Variants in PITPNB observed in about 807,000 individuals in gnomAD.
PITPNB encodes the protein phosphatidylinositol transfer protein beta.
PITPNB carries 16 observed loss-of-function variants against 45.9 expected under a neutral mutation model. That is an observed-to-expected ratio of 0.35 (90% confidence interval 0.24 to 0.53). PITPNB has a LOEUF of 0.53. Ranked by LOEUF, PITPNB falls within the 20% of genes least tolerant of loss-of-function variation. The probability of loss-of-function intolerance (pLI) is 0.93; values close to 1 mark genes in which losing one functional copy is unlikely to be tolerated. For synonymous variants in PITPNB, 112 were observed against 108.9 expected, an observed-to-expected ratio of 1.03 and a Z score of -0.18; for missense variants, 188 against 330.5, an observed-to-expected ratio of 0.57 and a Z score of 3.34.
chr22:27,882,622 T>C (rs539611808), intron 7 of PITPNB, among the ~76,000 whole-genome samples: 4 of 152,328 alleles, frequency 2.6e-5, no homozygotes, highest in African/African-American at 9.6e-5. Flanking sequence ...TTATAGTCCT[T>C]TGACAAGCAA....
intron 8 of PITPNB, among the ~76,000 whole-genome samples, chr22:27,861,887 A>G (rs1317426942): frequency 6.6e-6 from 1 of 152,218 alleles, no homozygotes; most frequent in East Asian, 1.9e-4. Context: ...TCTTTAATAA[A>G]CGTTGTATTG....
chr22:27,894,456 A>G lies in PITPNB; in HGVS notation c.456+99T>C, dbSNP rs568191650. On this transcript the variant is annotated intron_variant, in intron 7 of 11. Coordinates refer to ENST00000335272, the MANE Select transcript of PITPNB (RefSeq NM_012399.5). ...TAGAAATGTAGGCCATACAAGAAAG[A>G]AAGGAAATAATTTTTTTAACTTAAT... The G allele has an allele frequency of 6.9e-5, 49 of 706,190 alleles. No individual in the cohort carries two copies. In the African/African-American group the frequency reaches 8.1e-4, roughly 12 times the overall value. 43.7% of individuals were successfully genotyped at this position (706,190 alleles called of 1,614,324 possible). A position where few individuals can be genotyped will look rare whatever the true frequency, so the allele number is the denominator to read the frequency against.
intron 7 of PITPNB, among the ~76,000 whole-genome samples, chr22:27,874,679 T>G (rs1352205133): frequency 6.6e-6 from 1 of 152,248 alleles, no homozygotes; most frequent in East Asian, 1.9e-4. Context: ...AAATTACTTT[T>G]GAAGAGCTAG....
At chr22:27,874,199 G>A (rs1007270345) in intron 7 of PITPNB, among the ~76,000 whole-genome samples, 1 of 152,154 alleles carries the variant, frequency 6.6e-6, no homozygotes, top group Non-Finnish European at 1.5e-5. Context: ...GACACTACAG[G>A]TAGATGATGA....
At chr22:27,887,756 C>T (rs548349079) in intron 7 of PITPNB, among the ~76,000 whole-genome samples, 1 of 152,258 alleles carries the variant, frequency 6.6e-6, no homozygotes, top group East Asian at 1.9e-4. Flanking sequence ...TAAACCCCTC[C>T]CTGCCATAAG....
chr22:27,899,467 C>G (rs767300332), intron 3 of PITPNB, among the ~76,000 whole-genome samples: 2 of 151,830 alleles, frequency 1.3e-5, no homozygotes, highest in Non-Finnish European at 2.9e-5. Context: ...GGGGTACAGG[C>G]GCCCGCCACT....
intron 10 of PITPNB, among the ~76,000 whole-genome samples, chr22:27,856,162 T>C (rs1328540448): frequency 6.6e-6 from 1 of 152,242 alleles, no homozygotes; most frequent in African/African-American, 2.4e-5. Flanking sequence ...TTTGAGATAT[T>C]TGACAAAGCA....
At position 27,903,778 on chromosome 22, in the gene PITPNB, A is replaced by C. The variant is rs1202860933; in HGVS notation, c.198-5886T>G. Among the ~76,000 whole-genome samples the C allele has an allele frequency of 3.7e-4, 20 of 53,372 alleles. No homozygotes were observed. In the East Asian group the frequency reaches 6.9e-3, roughly 18 times the overall value. The allele number at this position is 53,372 out of a possible 152,430, so 35.0% of individuals were successfully genotyped here. A position where few individuals can be genotyped will look rare whatever the true frequency, so the allele number is the denominator to read the frequency against. On this transcript the variant is annotated intron_variant, in intron 3 of 11. Transcript: ENST00000335272. ...ATGACATAGTGAGACCCTGTCTCCC[A>C]AAAAAAAAAAAAAAAAAAACTAAAA...
chr22:27,899,799 G>C (rs778274088), intron 3 of PITPNB, among the ~76,000 whole-genome samples: 4 of 152,178 alleles, frequency 2.6e-5, no homozygotes, highest in Non-Finnish European at 4.4e-5. Flanking sequence ...GGTCTAATCA[G>C]GGTACAATGG....
chr22:27,899,928 C>T (rs896812827), intron 3 of PITPNB, among the ~76,000 whole-genome samples: 5 of 152,054 alleles, frequency 3.3e-5, no homozygotes, highest in East Asian at 1.9e-4. Context: ...AGAGGCCAGG[C>T]GTGGTGGCTC....
At chr22:27,857,126 T>C (rs1934196655) in intron 10 of PITPNB, among the ~76,000 whole-genome samples, 1 of 152,190 alleles carries the variant, frequency 6.6e-6, no homozygotes, top group African/African-American at 2.4e-5. Flanking sequence ...AGAGTCCTAA[T>C]ATTAGTATGA....
chr22:27,870,671 T>C (rs1319429259), intron 8 of PITPNB, among the ~76,000 whole-genome samples: 1 of 152,234 alleles, frequency 6.6e-6, no homozygotes, highest in African/African-American at 2.4e-5. Flanking sequence ...TTCCAACTAT[T>C]ATCGTTCCCC....
intron 10 of PITPNB, among the ~76,000 whole-genome samples, chr22:27,856,889 G>A (rs1441696060): frequency 6.6e-6 from 1 of 152,166 alleles, no homozygotes; most frequent in Non-Finnish European, 1.5e-5. Flanking sequence ...AACTGGATAG[G>A]GTAGCGAGGG....
At chr22:27,898,601 T>C (rs1935501821) in intron 3 of PITPNB, among the ~76,000 whole-genome samples, 1 of 152,080 alleles carries the variant, frequency 6.6e-6, no homozygotes, top group Admixed American at 6.5e-5. Flanking sequence ...TAAGGAGATA[T>C]CTCTGAATAA....
chr22:27,904,061 T>C (rs530903810), intron 3 of PITPNB, among the ~76,000 whole-genome samples: 2 of 152,232 alleles, frequency 1.3e-5, no homozygotes, highest in East Asian at 1.9e-4. Flanking sequence ...GGGAAGCTGA[T>C]TGACAGTTCC....
chr22:27,857,860 C>A (rs1039144810), intron 10 of PITPNB, among the ~76,000 whole-genome samples: 12 of 152,336 alleles, frequency 7.9e-5, no homozygotes, highest in African/African-American at 2.9e-4. Flanking sequence ...GCCCAAGGAT[C>A]ACCTGAATCT....
chr22:27,880,276 T>C (rs933195825), intron 7 of PITPNB, among the ~76,000 whole-genome samples: 1 of 152,194 alleles, frequency 6.6e-6, no homozygotes, highest in Non-Finnish European at 1.5e-5. Flanking sequence ...CTCAAGTACC[T>C]GAAGGGACGC....
At chr22:27,859,691 C>T (rs888593046) in intron 9 of PITPNB, among the ~76,000 whole-genome samples, 41 of 152,306 alleles carry the variant, frequency 2.7e-4, no homozygotes, top group Non-Finnish European at 3.2e-4. Flanking sequence ...AGAAGACATC[C>T]CCTGTGACAG....
intron 3 of PITPNB, among the ~76,000 whole-genome samples, chr22:27,899,603 G>T (rs547421505): frequency 1.3e-5 from 2 of 152,252 alleles, no homozygotes; most frequent in African/African-American, 2.4e-5. Flanking sequence ...TATTACAGGC[G>T]TGAGCCACCG....
Sources: allele counts gnomAD v4.1 joint callset (sites outside exome capture counted in the v4.1 genomes callset), GRCh38; gene constraint gnomAD v4.1.1; transcripts MANE v1.5; gene names NCBI Gene and HGNC (gene_info 2026-07-23, HGNC 2026-07-21).